The following RXFP1 variants were observed in gnomAD, a reference collection of about 807,000 sequenced individuals.
RXFP1 encodes the protein relaxin receptor 1.
A neutral mutation model predicts 89.8 loss-of-function variants in RXFP1; 73 were observed. The observed-to-expected ratio is 0.81, with a 90% CI of 0.67 to 0.99. RXFP1 has a LOEUF of 0.99. Ranked by LOEUF, RXFP1 falls within the 50% of genes least tolerant of loss-of-function variation. The pLI is 0.00. For synonymous variants in RXFP1, 277 were observed against 305.5 expected (o/e 0.91, Z 0.97); for missense variants, 793 against 895.5 (o/e 0.89, Z 1.46).
Position 158,605,080 on chromosome 4 carries a change from G to A in RXFP1, c.405G>A (p.Trp135Ter). The A allele has an allele frequency of 6.3e-7, 1 of 1,580,380 alleles. No individual in the cohort carries two copies. The highest frequency in any genetic ancestry group is 2.3e-5 in the East Asian group (1 of 44,376). ...ACATTTATTTCAGGTCACTTCAGTG[G>A]AACTTAATAAGAAAGCTTCCTCCTG... ...SSNVTAMSLQ[W>*]NLIRKLPPDC... Residue 135 changes from tryptophan (W) to a stop codon, truncating the protein, a stop_gained, in exon 5 of 18, where the codon TGG becomes TGA. Transcript: ENST00000307765. LOFTEE classifies it high-confidence loss of function.
At chr4:158,608,070 C>T in intron 6 of RXFP1, 27 bp downstream of exon 6, 1 of 1,473,274 alleles carries the variant, frequency 6.8e-7, no homozygotes. Context: ...ATTAATTTGC[C>T]CATTCCATGG....
intron 11 of RXFP1, among the ~76,000 whole-genome samples, chr4:158,632,128 A>G (rs1420655246): frequency 6.6e-6 from 1 of 152,190 alleles, no homozygotes; most frequent in Non-Finnish European, 1.5e-5. Context: ...ACTCTTTATG[A>G]AAGAGATGGA....
At chr4:158,536,167 C>T (rs1034099311) in intron 1 of RXFP1, among the ~76,000 whole-genome samples, 1 of 152,136 alleles carries the variant, frequency 6.6e-6, no homozygotes, top group Non-Finnish European at 1.5e-5. Flanking sequence ...TATTCAGCAA[C>T]TATAACCTCA....
chr4:158,543,462 A>G (rs1041310044), intron 1 of RXFP1, among the ~76,000 whole-genome samples: 1 of 152,214 alleles, frequency 6.6e-6, no homozygotes, highest in Non-Finnish European at 1.5e-5. Flanking sequence ...CCTCGCTGCC[A>G]AGGAAACAGG....
chr4:158,600,717 A>C (rs890049150), intron 4 of RXFP1, among the ~76,000 whole-genome samples: 2 of 151,990 alleles, frequency 1.3e-5, no homozygotes, highest in African/African-American at 4.8e-5. Flanking sequence ...AGTCTCAGCT[A>C]CTTGGAGGCT....
intron 1 of RXFP1, among the ~76,000 whole-genome samples, chr4:158,525,645 A>T (rs1742328307): frequency 6.6e-6 from 1 of 152,212 alleles, no homozygotes; most frequent in Non-Finnish European, 1.5e-5. Context: ...TTCAATCCTT[A>T]TATTTATGGG....
intron 2 of RXFP1, among the ~76,000 whole-genome samples, chr4:158,573,885 G>C (rs1420805298): frequency 6.6e-6 from 1 of 152,136 alleles, no homozygotes; most frequent in Non-Finnish European, 1.5e-5. Context: ...TCCAGGTGTT[G>C]GATGCTGTTG....
intron 4 of RXFP1, among the ~76,000 whole-genome samples, chr4:158,602,030 T>C (rs1761776139): frequency 6.6e-6 from 1 of 152,200 alleles, no homozygotes. Flanking sequence ...CATTTCTCTC[T>C]CACACACATA....
intron 1 of RXFP1, among the ~76,000 whole-genome samples, chr4:158,541,392 G>A (rs1163406402): frequency 2.1e-5 from 1 of 47,506 alleles, no homozygotes; most frequent in African/African-American, 5.8e-5. Context: ...AGTGTCCAGG[G>A]TAATTTCATA....
intron 1 of RXFP1, among the ~76,000 whole-genome samples, chr4:158,533,960 A>G (rs1744675069): frequency 6.6e-6 from 1 of 152,212 alleles, no homozygotes; most frequent in African/African-American, 2.4e-5. Context: ...CCAAATCATT[A>G]GGCATATTTA....
chr4:158,528,327 G>A (rs1457975870), intron 1 of RXFP1, among the ~76,000 whole-genome samples: 4 of 152,036 alleles, frequency 2.6e-5, no homozygotes, highest in Admixed American at 2.0e-4. Context: ...AACATGGCGC[G>A]ACCCCCCATC....
intron 15 of RXFP1, chr4:158,646,219 C>G: frequency 2.9e-6 from 1 of 346,836 alleles, no homozygotes; most frequent in Non-Finnish European, 5.6e-6. Context: ...TTTGCTTAGA[C>G]CAACTCTGGT....
intron 6 of RXFP1, among the ~76,000 whole-genome samples, chr4:158,611,416 G>A: frequency 6.6e-6 from 1 of 152,144 alleles, no homozygotes; most frequent in East Asian, 1.9e-4. Context: ...CCTTTAGCAA[G>A]GGATGCAATG....
At chr4:158,623,524 A>AAAAAAAAAAAAAAAAAAAC (rs1766082769) in intron 9 of RXFP1, among the ~76,000 whole-genome samples, 1 of 148,298 alleles carries the variant, frequency 6.7e-6, no homozygotes, top group Non-Finnish European at 1.5e-5. Flanking sequence ...AAAAAAAAAA[A>AAAAAAAAAAAAAAAAAAAC]AAGATAATCC....
At chr4:158,602,659 T>G (rs1761899907) in intron 4 of RXFP1, among the ~76,000 whole-genome samples, 2 of 152,210 alleles carry the variant, frequency 1.3e-5, no homozygotes, top group Admixed American at 6.5e-5. Flanking sequence ...AAGTATAATT[T>G]GTGCAAATAG....
At chr4:158,625,936 T>C (rs1207996987) in intron 9 of RXFP1, among the ~76,000 whole-genome samples, 2 of 152,068 alleles carry the variant, frequency 1.3e-5, no homozygotes, top group Non-Finnish European at 2.9e-5. Context: ...AGTTCCACCA[T>C]ATACTCACTT....
chr4:158,543,918 A>G lies in RXFP1; in HGVS notation c.49+21893A>G, dbSNP rs990144530. 6 of 985,364 alleles carry G rather than the reference A, an allele frequency of 6.1e-6. No individual in the cohort carries two copies. In the African/African-American group the frequency reaches 8.7e-5, roughly 14 times the overall value. 61.0% of individuals were successfully genotyped at this position (985,364 alleles called of 1,614,324 possible). A position where few individuals can be genotyped will look rare whatever the true frequency, so the allele number is the denominator to read the frequency against. ...CAAGAATAAAGCAAAACTCTACTGAATATCGATATAGTAGTATCTGCCTCT... is the reference window on the plus strand; with the variant it reads ...CAAGAATAAAGCAAAACTCTACTGAGTATCGATATAGTAGTATCTGCCTCT... On this transcript the variant is annotated intron_variant, in intron 1 of 17. Transcript: ENST00000307765.
chr4:158,636,076 C>A (rs1241933588), intron 12 of RXFP1, among the ~76,000 whole-genome samples: 1 of 151,922 alleles, frequency 6.6e-6, no homozygotes, highest in Non-Finnish European at 1.5e-5. Context: ...TTCAAAGATT[C>A]TGAAATTTTC....
rs539809340 is a variant in RXFP1 at position 158,567,189 on chromosome 4, G to T, written c.50-5509G>T. Among the ~76,000 whole-genome samples, 5 of 152,290 alleles carry T rather than the reference G, an allele frequency of 3.3e-5. No individual in the cohort carries two copies. The South Asian group carries it at 1.0e-3, about 32-fold the overall frequency. On this transcript the variant is annotated intron_variant, in intron 1 of 17. Coordinates refer to ENST00000307765, the MANE Select transcript of RXFP1 (RefSeq NM_021634.4). ...CATGCCTGAGCCTCCCTCTCACCCC[G>T]CCTTGGGCTCCTGCACAGCCGGAGC...
Sources: allele counts gnomAD v4.1 joint callset (sites outside exome capture counted in the v4.1 genomes callset), GRCh38; gene constraint gnomAD v4.1.1; transcripts MANE v1.5; gene names NCBI Gene and HGNC (gene_info 2026-07-23, HGNC 2026-07-21).